The following NHS variants were observed in gnomAD, a reference collection of about 807,000 sequenced individuals.
The protein encoded by NHS is NHS actin remodeling regulator, also known as actin remodeling regulator NHS.
NHS carries 5 observed loss-of-function variants against 72.5 expected under a neutral mutation model. The observed-to-expected ratio is 0.07, with a 90% CI of 0.04 to 0.14. The LOEUF is 0.14. Ranked by LOEUF, NHS falls within the 10% of genes least tolerant of loss-of-function variation. The pLI is 1.00. For synonymous variants in NHS, 464 were observed against 547.7 expected (o/e 0.85, Z 2.13); for missense variants, 1,072 against 1,355.7 (o/e 0.79, Z 3.29).
At chrX:17,637,142 G>A (rs2065854076) in intron 1 of NHS, among the ~76,000 whole-genome samples, 1 of 111,545 alleles carries the variant, frequency 9.0e-6, no homozygotes, top group African/African-American at 3.3e-5. Flanking sequence ...ACAACTAAGG[G>A]CCTACATTCA....
At chrX:17,430,486 G>A (rs1253909395) in intron 1 of NHS, among the ~76,000 whole-genome samples, 4 of 92,502 alleles carry the variant, frequency 4.3e-5, no homozygotes, top group Admixed American at 1.4e-4. Context: ...CATTTATAGC[G>A]TAAAATGTTT....
chrX:17,577,457 A>T (rs747968862), intron 1 of NHS, among the ~76,000 whole-genome samples: 2 of 111,930 alleles, frequency 1.8e-5, no homozygotes, highest in South Asian at 7.5e-4. Flanking sequence ...AATGCCTCTT[A>T]TATTATGTGC....
chrX:17,683,756 T>C, intron 1 of NHS, among the ~76,000 whole-genome samples: 1 of 112,013 alleles, frequency 8.9e-6, no homozygotes, highest in Non-Finnish European at 1.9e-5. Context: ...AAATGACACA[T>C]AGAGCCTTAT....
chrX:17,617,839 T>C (rs992361543), intron 1 of NHS, among the ~76,000 whole-genome samples: 3 of 112,253 alleles, frequency 2.7e-5, no homozygotes, highest in Admixed American at 1.9e-4. Flanking sequence ...CTGTCCACAG[T>C]TGGATGAATG....
intron 1 of NHS, among the ~76,000 whole-genome samples, chrX:17,563,852 A>G (rs190080380): frequency 4.4e-4 from 49 of 110,810 alleles, no homozygotes; most frequent in Admixed American, 1.2e-3. Context: ...GAATGGGGAT[A>G]TGTAGGTGTG....
At chrX:17,376,446 C>T in intron 1 of NHS, 124 bp downstream of exon 1, 1 of 619,125 alleles carries the variant, frequency 1.6e-6, no homozygotes, top group Non-Finnish European at 2.5e-6. Context: ...CCTTACTACT[C>T]TCGCCTTCCC....
chrX:17,534,110 G>GTGTGTT (rs1202515721), intron 1 of NHS, among the ~76,000 whole-genome samples: 1 of 112,153 alleles, frequency 8.9e-6, no homozygotes, highest in Non-Finnish European at 1.9e-5. Context: ...GTGTGTGTGT[G>GTGTGTT]TGTGTGTGTG....
At chrX:17,586,556 C>T (rs1290525422) in intron 1 of NHS, 1 of 112,366 alleles carries the variant, frequency 8.9e-6, no homozygotes, top group Non-Finnish European at 1.9e-5. Context: ...TCAGATTCTC[C>T]TTTTTAACCA....
chrX:17,430,432 T>C (rs1298863443), intron 1 of NHS, among the ~76,000 whole-genome samples: 11 of 101,409 alleles, frequency 1.1e-4, no homozygotes, highest in African/African-American at 3.7e-4. Flanking sequence ...TTCCTTCCTT[T>C]CTTTCTCTCT....
chrX:17,613,303 G>A (rs914353538), intron 1 of NHS, among the ~76,000 whole-genome samples: 9 of 111,615 alleles, frequency 8.1e-5, no homozygotes, highest in Non-Finnish European at 1.3e-4. Flanking sequence ...AACCCTGGCG[G>A]CAGAGGTTGC....
At chrX:17,614,655 A>G (rs2065728704) in intron 1 of NHS, among the ~76,000 whole-genome samples, 1 of 110,743 alleles carries the variant, frequency 9.0e-6, no homozygotes. Context: ...ATTAAGTGTC[A>G]ACAATCTACA....
chrX:17,523,316 A>G (rs1289430593), intron 1 of NHS, among the ~76,000 whole-genome samples: 1 of 111,910 alleles, frequency 8.9e-6, no homozygotes, highest in African/African-American at 3.3e-5. Context: ...ACACAGTCAC[A>G]TGATTGGGTG....
intron 1 of NHS, among the ~76,000 whole-genome samples, chrX:17,627,223 T>C (rs1324923013): frequency 8.9e-6 from 1 of 112,306 alleles, no homozygotes; most frequent in Non-Finnish European, 1.9e-5. Context: ...TGGAATTTCC[T>C]TATCTGAGGT....
At chrX:17,692,873 A>G (rs1010139669) in intron 3 of NHS, among the ~76,000 whole-genome samples, 13 of 110,717 alleles carry the variant, frequency 1.2e-4, no homozygotes, top group African/African-American at 4.0e-4. Context: ...ATTAAATGAG[A>G]TAAGGCATGT....
intron 1 of NHS, among the ~76,000 whole-genome samples, chrX:17,622,953 G>T (rs952184923): frequency 9.1e-6 from 1 of 110,392 alleles, no homozygotes; most frequent in East Asian, 2.8e-4. Flanking sequence ...TTTTAGATGG[G>T]TTCTTGCTCA....
intron 3 of NHS, among the ~76,000 whole-genome samples, chrX:17,716,571 C>T (rs1231148563): frequency 9.0e-6 from 1 of 111,191 alleles, no homozygotes; most frequent in Non-Finnish European, 1.9e-5. Context: ...TGTCTGAACT[C>T]GGACCACATA....
At position 17,674,880 on chromosome X, in the gene NHS, G is replaced by A. The variant is rs192889363; in HGVS notation, c.566-12862G>A. On this transcript the variant is annotated intron_variant, in intron 1 of 8. Coordinates refer to ENST00000676302, the MANE Select transcript of NHS (RefSeq NM_001291867.2). ...TGCAAGGGCCAGTGGCAGAGTTCAC[G>A]AGTCAAGGAAGGAAGGGGAGGAGCT... Among the ~76,000 whole-genome samples, 127 of 112,072 alleles carry A rather than the reference G, an allele frequency of 1.1e-3. 3 individuals carry two copies. Among genetic ancestry groups the A allele is most frequent in the South Asian group, 7.5e-4 (2 of 2,655 alleles).
chrX:17,538,916 G>C (rs1446866257), intron 1 of NHS, among the ~76,000 whole-genome samples: 1 of 112,028 alleles, frequency 8.9e-6, no homozygotes, highest in African/African-American at 3.2e-5. Flanking sequence ...TCTAGCCACT[G>C]CCCTTGTCTT....
At chrX:17,472,553 A>G (rs1246268680) in intron 1 of NHS, among the ~76,000 whole-genome samples, 5 of 112,357 alleles carry the variant, frequency 4.5e-5, no homozygotes, top group Admixed American at 9.4e-5. Context: ...TTCTAAATGC[A>G]GGGAAGGACA....
Sources: allele counts gnomAD v4.1 joint callset (sites outside exome capture counted in the v4.1 genomes callset), GRCh38; gene constraint gnomAD v4.1.1; transcripts MANE v1.5; gene names NCBI Gene and HGNC (gene_info 2026-07-23, HGNC 2026-07-21).